Variants in CHD7 observed in about 807,000 individuals in gnomAD.
The protein encoded by CHD7 is chromodomain helicase DNA binding protein 7.
Under a neutral mutation model 307.3 loss-of-function variants are expected in CHD7, and 24 were observed. That is an observed-to-expected ratio of 0.08 (90% confidence interval 0.06 to 0.11). The LOEUF (loss-of-function observed/expected upper bound fraction) is 0.11, where lower values mean the gene tolerates loss of function less well. CHD7 is among the 10% of genes least tolerant of loss of function. The probability of loss-of-function intolerance (pLI) is 1.00; values close to 1 mark genes in which losing one functional copy is unlikely to be tolerated. For missense variants in CHD7, 3,106 were observed against 3,727.1 expected, an observed-to-expected ratio of 0.83 and a Z score of 4.34; for synonymous variants, 1,363 against 1,349.9, an observed-to-expected ratio of 1.01 and a Z score of -0.21.
rs545732155 is a variant in CHD7, at chr8:60,846,387, A to C, written c.5210+978A>C. 3.9e-5 allele frequency among the ~76,000 whole-genome samples: 6 copies of C among 152,366 alleles called. No individual in the cohort carries two copies. In the South Asian group the frequency reaches 1.2e-3, roughly 32 times the overall value. ...AAAACTGATTATAGATAATTGAAGA[A>C]TATTGAAACTAAATTTATTTCATTG... On this transcript the variant is annotated intron_variant, in intron 23 of 37. Coordinates refer to ENST00000423902, the MANE Select transcript of CHD7 (RefSeq NM_017780.4).
intron 2 of CHD7, among the ~76,000 whole-genome samples, chr8:60,744,268 G>A (rs1179099578): frequency 6.6e-6 from 1 of 152,114 alleles, no homozygotes; most frequent in Non-Finnish European, 1.5e-5. Context: ...TAAGGAATTT[G>A]GACTTAAACG....
In CHD7 at chr8:60,861,180, T is replaced by G. The variant is rs1020692044; in HGVS notation, c.7830+55T>G. Reference sequence around the variant, plus strand: ...GAATCTTGCAGGCCGGTCCACTTCATTCCCTTACAACATAGAAATCCCTGA... The same window carrying G: ...GAATCTTGCAGGCCGGTCCACTTCAGTCCCTTACAACATAGAAATCCCTGA... On this transcript the variant is annotated intron_variant, in intron 35 of 37. Transcript: ENST00000423902. 5.9e-6 allele frequency: 8 copies of G among 1,348,246 alleles called. No individual in the cohort carries two copies. In the African/African-American group the frequency reaches 1.0e-4, roughly 17 times the overall value. 83.5% of individuals were successfully genotyped at this position (1,348,246 alleles called of 1,614,324 possible).
At position 60,742,825 on chromosome 8, in the gene CHD7, T is replaced by G. The variant is rs932744993; in HGVS notation, c.1393T>G (p.Ser465Ala). ...GCAGTCTCGTCCATTTATAGGCATG[T>G]CCTCGGCACCAAGGGAATTGACTGG... ...MQQSRPFIGM[S>A]SAPRELTGHM... The change falls in exon 2 of 38, where the codon TCC (serine) becomes GCC (alanine). Residue 465 changes from serine to alanine, a missense_variant. Transcript: ENST00000423902. 1 of 1,613,590 alleles carries G rather than the reference T, an allele frequency of 6.2e-7. No individual in the cohort carries two copies. Among genetic ancestry groups the G allele is most frequent in the African/African-American group, 1.3e-5 (1 of 74,920 alleles).
intron 1 of CHD7, among the ~76,000 whole-genome samples, chr8:60,721,523 C>G (rs1413939909): frequency 6.6e-6 from 1 of 152,212 alleles, no homozygotes; most frequent in Non-Finnish European, 1.5e-5. Context: ...GTTGGAGAAC[C>G]ACAGTCCTGG....
At chr8:60,766,962 A>G (rs1270061716) in intron 2 of CHD7, among the ~76,000 whole-genome samples, 1 of 152,248 alleles carries the variant, frequency 6.6e-6, no homozygotes, top group Non-Finnish European at 1.5e-5. Flanking sequence ...GTTGAGATCC[A>G]AACTCGGAGG....
intron 2 of CHD7, among the ~76,000 whole-genome samples, chr8:60,756,284 G>A (rs1809887810): frequency 6.6e-6 from 1 of 152,138 alleles, no homozygotes; most frequent in African/African-American, 2.4e-5. Context: ...GAAACCATGG[G>A]TATCTCGTGT....
intron 4 of CHD7, among the ~76,000 whole-genome samples, chr8:60,797,901 G>C (rs1387934861): frequency 6.6e-6 from 1 of 152,196 alleles, no homozygotes; most frequent in Non-Finnish European, 1.5e-5. Flanking sequence ...TCTTTGGAAA[G>C]CTGGAGCTGA....
At chr8:60,717,457 C>G (rs1012916758) in intron 1 of CHD7, among the ~76,000 whole-genome samples, 2 of 152,186 alleles carry the variant, frequency 1.3e-5, no homozygotes, top group African/African-American at 4.8e-5. Context: ...TGATATAGGT[C>G]AGGCCTTGCA....
chr8:60,699,981 C>T (rs979368378), intron 1 of CHD7, among the ~76,000 whole-genome samples: 1 of 151,990 alleles, frequency 6.6e-6, no homozygotes. Context: ...CAGGCATGCA[C>T]CACCATGCCT....
At chr8:60,851,949 G>A in intron 28 of CHD7, 70 bp from the exon 29 acceptor site, 2 of 1,070,268 alleles carry the variant, frequency 1.9e-6, no homozygotes, top group East Asian at 2.6e-5. Flanking sequence ...GAGTCATCCT[G>A]TTTTGTTGGA....
At chr8:60,801,472 A>G (rs990381747) in intron 5 of CHD7, 56 bp from the exon 6 acceptor site, 1 of 1,310,608 alleles carries the variant, frequency 7.6e-7, no homozygotes, top group Non-Finnish European at 1.1e-6. Flanking sequence ...TCTTGCTCTT[A>G]TAGCTTAGGA....
rs1809087232 is a variant in CHD7, at chr8:60,742,398, A to G, written c.966A>G (p.Leu322=). The G allele has an allele frequency of 6.2e-7, 1 of 1,614,010 alleles. No individual in the cohort carries two copies. Among genetic ancestry groups the G allele is most frequent in the Non-Finnish European group, 8.5e-7 (1 of 1,179,844 alleles). The change falls in exon 2 of 38, where the codon TTA becomes TTG. Residue 322 remains leucine (L), a synonymous_variant. Coordinates refer to ENST00000423902, the MANE Select transcript of CHD7 (RefSeq NM_017780.4). ...CTTACAGTAACCTAAATCAGGGATT[A>G]GTTAACAATACAGGGATGAATCAAA... is the stretch of plus-strand genomic sequence containing the variant. ...RYPYSNLNQG[L]VNNTGMNQNL...
rs1161982905 is a variant in CHD7, at chr8:60,861,131, T to C, written c.7830+6T>C. 5 of 1,564,344 alleles carry C rather than the reference T, an allele frequency of 3.2e-6. No individual in the cohort carries two copies. Among genetic ancestry groups the C allele is most frequent in the Non-Finnish European group, 4.3e-6 (5 of 1,153,886 alleles). ...ATATGCCAAGTTATGTACCAGTGAG[T>C]ATTGCAGAGTTTAGAGTTGGAAGGA... On this transcript the variant is annotated splice_donor_region_variant and intron_variant, in intron 35 of 37. Transcript: ENST00000423902.
In CHD7 at chr8:60,801,583, TA is replaced by T; in HGVS notation, c.2438del (p.Lys813SerfsTer9). On this transcript the variant is annotated frameshift_variant, in exon 6 of 38. Coordinates refer to ENST00000423902, the MANE Select transcript of CHD7 (RefSeq NM_017780.4). LOFTEE classifies it high-confidence loss of function. The stretch of plus-strand genomic sequence containing the variant: ...GAAAAAATTATGAGCAGTCGTTCAG[TA>T]AAAAAGCAGGTGAGTGCCATTGGAG... The part of the protein sequence containing the change: ...VVEKIMSSRS[V>X]KKQKESGEEV... The T allele has an allele frequency of 6.4e-7, 1 of 1,572,718 alleles. No individual in the cohort carries two copies. Among genetic ancestry groups the T allele is most frequent in the Non-Finnish European group, 8.6e-7 (1 of 1,157,554 alleles).
intron 4 of CHD7, 26 bp downstream of exon 4, chr8:60,795,153 G>C: frequency 6.2e-7 from 1 of 1,606,528 alleles, no homozygotes; most frequent in Non-Finnish European, 8.5e-7. Flanking sequence ...TGATTCCCGA[G>C]CCTTGGTTAT....
intron 13 of CHD7, among the ~76,000 whole-genome samples, chr8:60,827,514 T>C (rs2150758818): frequency 6.6e-6 from 1 of 152,292 alleles, no homozygotes; most frequent in Non-Finnish European, 1.5e-5. Context: ...TCAGCGATTG[T>C]GGCCCAGGCT....
chr8:60,686,656 G>T (rs1181804613), intron 1 of CHD7, among the ~76,000 whole-genome samples: 2 of 152,168 alleles, frequency 1.3e-5, no homozygotes, highest in Non-Finnish European at 2.9e-5. Flanking sequence ...CAGGGACCGC[G>T]TGCGACCTGG....
chr8:60,817,321 A>G (rs1219868657), intron 8 of CHD7, among the ~76,000 whole-genome samples: 1 of 152,234 alleles, frequency 6.6e-6, no homozygotes. Context: ...TTTGATGCAA[A>G]ATAGTATCTG....
At chr8:60,685,590 A>G (rs1472453055) in intron 1 of CHD7, among the ~76,000 whole-genome samples, 1 of 152,236 alleles carries the variant, frequency 6.6e-6, no homozygotes, top group Non-Finnish European at 1.5e-5. Flanking sequence ...AGTTGGTTGT[A>G]GTCATACAGA....
Sources: allele counts gnomAD v4.1 joint callset (sites outside exome capture counted in the v4.1 genomes callset), GRCh38; gene constraint gnomAD v4.1.1; transcripts MANE v1.5; gene names NCBI Gene and HGNC (gene_info 2026-07-23, HGNC 2026-07-21).